TMEM62: variants seen among roughly 807,000 people sequenced by gnomAD.
TMEM62 encodes transmembrane protein 62.
A neutral mutation model predicts 70.4 loss-of-function variants in TMEM62; 41 were observed. The observed-to-expected ratio is 0.58, with a 90% CI of 0.45 to 0.76. The LOEUF (loss-of-function observed/expected upper bound fraction) is 0.76. Ranked by LOEUF, TMEM62 falls within the 30% of genes least tolerant of loss-of-function variation. The pLI, the probability that TMEM62 is intolerant of heterozygous loss-of-function variation, is 0.00. For synonymous variants in TMEM62, 268 were observed against 291.0 expected (o/e 0.92, Z 0.80); for missense variants, 688 against 788.5 (o/e 0.87, Z 1.53).
intron 11 of TMEM62, 69 bp from the exon 12 acceptor site, chr15:43,178,538 C>T: frequency 1.0e-6 from 1 of 984,770 alleles, no homozygotes; most frequent in Non-Finnish European, 1.6e-6. Context: ...TGAAAATCTT[C>T]TAGAAAATGT....
intron 3 of TMEM62, among the ~76,000 whole-genome samples, chr15:43,138,224 T>A (rs1267365833): frequency 6.6e-6 from 1 of 152,174 alleles, no homozygotes; most frequent in Non-Finnish European, 1.5e-5. Flanking sequence ...AGAGGCTCAG[T>A]GGCCCTAGAG....
In TMEM62 at chr15:43,184,271, T is replaced by A. The variant is rs752152506; in HGVS notation, c.1617T>A (p.Phe539Leu). Residue 539 changes from phenylalanine to leucine, a missense_variant, in exon 14 of 14, where the codon TTT becomes TTA. Physicochemically the swap from Phe to Leu is conservative, Grantham distance 22. Coordinates refer to ENST00000260403, the MANE Select transcript of TMEM62 (RefSeq NM_024956.4). ...CTGTTCTTTTCCAGCTGGCGTTTTT[T>A]AACATCCCCTTGATGGCTTACATGT... ...FIIGILQLAF[F>L]NIPLMAYMCW... 1.2e-6 allele frequency: 2 copies of A among 1,611,350 alleles called. No homozygotes were observed. The highest frequency in any genetic ancestry group is 2.7e-5 in the African/African-American group (2 of 74,818).
chr15:43,149,025 T>C lies in TMEM62; in HGVS notation c.744-4T>C. ...ATTTATTTCATTTATTTTTCATTGGTTAGTTCGGCTATAGCTTATTTGTGT... is the reference window on the plus strand; with the variant it reads ...ATTTATTTCATTTATTTTTCATTGGCTAGTTCGGCTATAGCTTATTTGTGT... On this transcript the variant is annotated splice_region_variant and splice_polypyrimidine_tract_variant and intron_variant, in intron 6 of 13. Transcript: ENST00000260403. 6.8e-6 allele frequency: 11 copies of C among 1,613,564 alleles called. No individual in the cohort carries two copies. The highest frequency in any genetic ancestry group is 9.3e-6 in the Non-Finnish European group (11 of 1,179,826).
intron 4 of TMEM62, among the ~76,000 whole-genome samples, chr15:43,141,956 AC>A (rs2141549621): frequency 1.3e-5 from 2 of 152,312 alleles, no homozygotes; most frequent in East Asian, 3.9e-4. Flanking sequence ...TGAACAGATG[AC>A]AAGTTGCTTC....
chr15:43,172,416 G>C (rs1017258103), intron 11 of TMEM62, among the ~76,000 whole-genome samples: 2 of 151,988 alleles, frequency 1.3e-5, no homozygotes, highest in African/African-American at 4.8e-5. Flanking sequence ...GTGAATTTCG[G>C]GTGTTCACCT....
intron 9 of TMEM62, among the ~76,000 whole-genome samples, chr15:43,158,144 GTAGT>G (rs1469855189): frequency 6.6e-6 from 1 of 152,080 alleles, no homozygotes; most frequent in African/African-American, 2.4e-5. Context: ...TCTATAATTG[GTAGT>G]TAGATTTAGA....
upstream of TMEM62, chr15:43,133,337 A>T (rs2034665036): frequency 6.4e-6 from 1 of 155,944 alleles, no homozygotes; most frequent in South Asian, 2.0e-4. Context: ...GTTCTCATAC[A>T]TTCTCACTTT....
intron 2 of TMEM62, 96 bp downstream of exon 2, chr15:43,134,464 A>G: frequency 1.1e-6 from 1 of 947,338 alleles, no homozygotes; most frequent in Non-Finnish European, 1.7e-6. Flanking sequence ...CGTTGGGAGC[A>G]GTATAGCCAC....
chr15:43,168,423 G>A (rs1228409633), intron 10 of TMEM62, among the ~76,000 whole-genome samples: 1 of 152,074 alleles, frequency 6.6e-6, no homozygotes, highest in African/African-American at 2.4e-5. Context: ...GGGCTCTTTA[G>A]TCAGCAGATG....
At chr15:43,142,819 G>A (rs1235329291) in intron 4 of TMEM62, among the ~76,000 whole-genome samples, 1 of 151,912 alleles carries the variant, frequency 6.6e-6, no homozygotes, top group Non-Finnish European at 1.5e-5. Context: ...ACAGGCGTGA[G>A]CCACCATGCC....
chr15:43,140,240 G>T (rs538694325), intron 4 of TMEM62, among the ~76,000 whole-genome samples: 3 of 152,198 alleles, frequency 2.0e-5, no homozygotes, highest in Non-Finnish European at 2.9e-5. Flanking sequence ...GACCCATAAC[G>T]TGGCTGTAAC....
At chr15:43,138,863 T>C in intron 4 of TMEM62, among the ~76,000 whole-genome samples, 1 of 152,344 alleles carries the variant, frequency 6.6e-6, no homozygotes. Context: ...GGTAAAATTT[T>C]TCTATAAAGA....
At position 43,184,324 on chromosome 15, in the gene TMEM62, G is replaced by C. The variant is rs1464878360; in HGVS notation, c.1670G>C (p.Gly557Ala). ...TGGAGCTTGCTGCAGCGGTGCTTTG[G>C]TCACAACTTCAGGTCTCATCTCCAT... is the stretch of plus-strand genomic sequence containing the variant. ...MCWSLLQRCF[G>A]HNFRSHLHQR... is the part of the protein sequence containing the mutation. The change falls in exon 14 of 14, where the codon GGT becomes GCT. Residue 557 changes from glycine (G) to alanine (A), a missense_variant. Physicochemically the swap from Gly to Ala is moderately conservative, Grantham distance 60 (BLOSUM62 0). Transcript: ENST00000260403. 6.2e-7 allele frequency: 1 copy of C among 1,614,026 alleles called. No individual in the cohort carries two copies. Among genetic ancestry groups the C allele is most frequent in the Non-Finnish European group, 8.5e-7 (1 of 1,180,044 alleles).
chr15:43,166,926 A>G (rs940295444), intron 10 of TMEM62, among the ~76,000 whole-genome samples: 2 of 152,180 alleles, frequency 1.3e-5, no homozygotes, highest in African/African-American at 4.8e-5. Context: ...AAAGTCTCCC[A>G]TGTCTACCTC....
chr15:43,143,205 G>A (rs2036269651), intron 4 of TMEM62, among the ~76,000 whole-genome samples: 1 of 152,140 alleles, frequency 6.6e-6, no homozygotes, highest in Non-Finnish European at 1.5e-5. Flanking sequence ...GGGACTACAG[G>A]CATGTGCCAC....
At chr15:43,148,656 A>C (rs1205748081) in intron 5 of TMEM62, 99 bp from the exon 6 acceptor site, 20 of 1,406,750 alleles carry the variant, frequency 1.4e-5, no homozygotes, top group Non-Finnish European at 1.9e-5. Flanking sequence ...GACACATATA[A>C]TAATTATTAT....
At position 43,135,572 on chromosome 15, in the gene TMEM62, G is replaced by A. The variant is rs1379234647; in HGVS notation, c.353G>A (p.Trp118Ter). 6.2e-7 allele frequency: 1 copy of A among 1,611,818 alleles called. No individual in the cohort carries two copies. Among genetic ancestry groups the A allele is most frequent in the East Asian group, 2.2e-5 (1 of 44,768 alleles). Residue 118 changes from tryptophan (W) to a stop codon, truncating the protein, a stop_gained, in exon 3 of 14, where the codon TGG (tryptophan) becomes TAG (stop). Transcript: ENST00000260403. LOFTEE classifies it high-confidence loss of function. The part of the protein sequence containing the change: ...QLGSRQHEVE[W>*]QTYQGILKKT... The stretch of plus-strand genomic sequence containing the variant: ...GGATCCAGGCAGCATGAGGTAGAAT[G>A]GCAAACCTACCAGGGTATTCTGAAG...
chr15:43,171,076 C>G (rs1204275293), intron 11 of TMEM62, among the ~76,000 whole-genome samples: 1 of 152,186 alleles, frequency 6.6e-6, no homozygotes, highest in Admixed American at 6.5e-5. Flanking sequence ...TGGCTCACGC[C>G]TGTAATCTCA....
Position 43,174,777 on chromosome 15 carries a change from G to A in TMEM62, c.1382-3830G>A, listed in dbSNP as rs1023203431. ...TAAACAAGACTTTTCCACTTTGGTC[G>A]TACCTTAGAAACTGCTGGGGGAACT... is the stretch of plus-strand genomic sequence containing the variant. On this transcript the variant is annotated intron_variant, in intron 11 of 13. Transcript: ENST00000260403. Among the ~76,000 whole-genome samples, 13 of 152,294 alleles carry A rather than the reference G, an allele frequency of 8.5e-5. No homozygotes were observed. In the East Asian group the frequency reaches 1.3e-3, roughly 16 times the overall value.
Sources: gnomAD v4.1 joint callset for allele counts (sites outside exome capture counted in the v4.1 genomes callset) on GRCh38, gnomAD v4.1.1 for gene constraint, MANE v1.5 for transcripts, NCBI Gene and HGNC (gene_info 2026-07-23, HGNC 2026-07-21) for gene names.